EMC3: variants seen among roughly 807,000 people sequenced by gnomAD.
EMC3 encodes 30 kDa protein.
In EMC3, 13 loss-of-function variants were observed where a neutral mutation model predicts 36.6. The observed-to-expected ratio is 0.35, with a 90% CI of 0.23 to 0.56. The LOEUF (loss-of-function observed/expected upper bound fraction) is 0.56. Ranked by LOEUF, EMC3 falls within the 20% of genes least tolerant of loss-of-function variation. The pLI is 0.84. For missense variants in EMC3, 220 were observed against 324.5 expected (o/e 0.68, Z 2.47); for synonymous variants, 120 against 111.9 (o/e 1.07, Z -0.46).
intron 6 of EMC3, 22 bp from the exon 7 acceptor site, chr3:9,969,823 C>T: frequency 6.2e-7 from 1 of 1,611,736 alleles, no homozygotes; most frequent in Non-Finnish European, 8.5e-7. Flanking sequence ...GACACACTTA[C>T]ATGAGTGCCA....
chr3:9,991,899 G>C (rs573744876), intron 1 of EMC3, among the ~76,000 whole-genome samples: 7 of 152,142 alleles, frequency 4.6e-5, no homozygotes, highest in Non-Finnish European at 7.4e-5. Context: ...CATAAGGAAT[G>C]TGCAGCCTAG....
chr3:9,999,312 ACT>A (rs947364526), intron 1 of EMC3, among the ~76,000 whole-genome samples: 15 of 148,298 alleles, frequency 1.0e-4, no homozygotes, highest in Non-Finnish European at 1.6e-4. Context: ...TACGATCTCG[ACT>A]CTCTGCAATC....
At chr3:9,999,310 C>G (rs1366339810) in intron 1 of EMC3, among the ~76,000 whole-genome samples, 1 of 150,398 alleles carries the variant, frequency 6.6e-6, no homozygotes, top group Admixed American at 6.6e-5. Flanking sequence ...GGTACGATCT[C>G]GACTCTCTGC....
Position 9,986,713 on chromosome 3 carries a change from G to T in EMC3, c.-52C>A. 6.2e-7 allele frequency: 1 copy of T among 1,603,590 alleles called. No individual in the cohort carries two copies. Among genetic ancestry groups the T allele is most frequent in the South Asian group, 1.1e-5 (1 of 90,262 alleles). ...GGAATGGGCGAGCTTCTCTTCTCCG[G>T]GGCACAGTTGCTTCTCTTCGGCTTC... On this transcript the variant is annotated 5_prime_UTR_variant, in exon 1 of 8. Transcript: ENST00000245046.
intron 1 of EMC3, chr3:10,008,380 G>A (rs1315119335): frequency 7.3e-7 from 1 of 1,366,444 alleles, no homozygotes; most frequent in Admixed American, 1.9e-5. Flanking sequence ...CCCACAAACA[G>A]AGAAGGTCCT....
intron 1 of EMC3, among the ~76,000 whole-genome samples, chr3:9,998,669 G>A (rs1483388819): frequency 6.6e-6 from 1 of 151,956 alleles, no homozygotes. Flanking sequence ...TTTCCCTAAT[G>A]ACTAATGATG....
At chr3:9,993,547 TG>T (rs2086081940) in intron 1 of EMC3, among the ~76,000 whole-genome samples, 1 of 152,168 alleles carries the variant, frequency 6.6e-6, no homozygotes, top group Non-Finnish European at 1.5e-5. Flanking sequence ...AGTTCTTTTC[TG>T]TGTTTATTTC....
Position 9,983,754 on chromosome 3 carries a change from A to G in EMC3, c.155+2753T>C, listed in dbSNP as rs374370302. ...TACAAAAGAGAGCTTTGGATCTGATATAATTCAGAACCATTGCTCTAATAG... is the reference window on the plus strand; with the variant it reads ...TACAAAAGAGAGCTTTGGATCTGATGTAATTCAGAACCATTGCTCTAATAG... On this transcript the variant is annotated intron_variant, in intron 1 of 7. Transcript: ENST00000245046. Among the ~76,000 whole-genome samples, 14 of 152,228 alleles carry G rather than the reference A, an allele frequency of 9.2e-5. 1 individual carries two copies. The East Asian group carries it at 1.3e-3, about 15-fold the overall frequency.
intron 1 of EMC3, among the ~76,000 whole-genome samples, chr3:10,009,658 CG>C (rs2086302806): frequency 6.6e-6 from 1 of 152,134 alleles, no homozygotes; most frequent in Non-Finnish European, 1.5e-5. Flanking sequence ...GCCCGTGGGG[CG>C]TTTGGATTAC....
intron 1 of EMC3, among the ~76,000 whole-genome samples, chr3:9,996,259 C>T (rs941121983): frequency 2.0e-5 from 3 of 152,100 alleles, no homozygotes; most frequent in Non-Finnish European, 4.4e-5. Context: ...GCCTGGGCAC[C>T]ATGGTGAAAC....
upstream of EMC3, among the ~76,000 whole-genome samples, chr3:9,991,027 A>G (rs1016351105): frequency 2.4e-4 from 37 of 151,658 alleles, no homozygotes; most frequent in African/African-American, 8.5e-4. Flanking sequence ...ACGGGGTTTC[A>G]CCATGTTAGC....
At chr3:10,005,930 CCT>C (rs1418934338) in intron 1 of EMC3, among the ~76,000 whole-genome samples, 9 of 152,230 alleles carry the variant, frequency 5.9e-5, no homozygotes, top group Non-Finnish European at 1.2e-4. Context: ...TTCCACCTTC[CCT>C]CTCTCACTGA....
chr3:9,973,855 A>G (rs543036927), intron 4 of EMC3, 146 bp from the exon 5 acceptor site: 24 of 732,870 alleles, frequency 3.3e-5, no homozygotes, highest in Non-Finnish European at 5.2e-5. Flanking sequence ...ATTTCTGAAG[A>G]AAAGACAGTC....
At chr3:9,993,856 G>T (rs1341751618) in intron 1 of EMC3, among the ~76,000 whole-genome samples, 1 of 151,906 alleles carries the variant, frequency 6.6e-6, no homozygotes, top group Non-Finnish European at 1.5e-5. Context: ...AACATCCCTG[G>T]GGGGTCGTGT....
In EMC3 at chr3:9,986,663, T is replaced by C; in HGVS notation, c.-2A>G. On this transcript the variant is annotated 5_prime_UTR_variant, in exon 1 of 8. Transcript: ENST00000245046. Reference sequence around the variant, plus strand: ...GAGCAACAGTTCTGGCCCTGCCATCTTCACTGAAAGCTGGTTCCCAGTCTG... The same window carrying C: ...GAGCAACAGTTCTGGCCCTGCCATCCTCACTGAAAGCTGGTTCCCAGTCTG... The C allele has an allele frequency of 1.2e-6, 2 of 1,613,826 alleles. No homozygotes were observed. Among genetic ancestry groups the C allele is most frequent in the East Asian group, 2.2e-5 (1 of 44,882 alleles).
Position 9,977,376 on chromosome 3 carries a change from G to C in EMC3, c.213+13C>G, listed in dbSNP as rs1350572915. The C allele has an allele frequency of 6.2e-6, 10 of 1,608,096 alleles. No homozygotes were observed. The highest frequency in any genetic ancestry group is 8.5e-6 in the Non-Finnish European group (10 of 1,177,560). Reference sequence around the variant, plus strand: ...TGAATCGTGGAGCTTTTTAATAAAAGATAAATGAGTACCTGTTTGGGAATG... The same window carrying C: ...TGAATCGTGGAGCTTTTTAATAAAACATAAATGAGTACCTGTTTGGGAATG... On this transcript the variant is annotated intron_variant, in intron 2 of 7. Transcript: ENST00000245046.
Position 9,984,175 on chromosome 3 carries a change from G to A in EMC3, c.155+2332C>T, listed in dbSNP as rs573286384. 1.3e-4 allele frequency among the ~76,000 whole-genome samples: 20 copies of A among 151,924 alleles called. No homozygotes were observed. The South Asian group carries it at 3.7e-3, about 28-fold the overall frequency. Reference sequence around the variant, plus strand: ...CGGCTCACCGCAACCTCTGCCTCCCGGATTCAAGCGATTCTCCTGCCTCAG... The same window carrying A: ...CGGCTCACCGCAACCTCTGCCTCCCAGATTCAAGCGATTCTCCTGCCTCAG... On this transcript the variant is annotated intron_variant, in intron 1 of 7. Transcript: ENST00000245046.
chr3:9,994,117 G>C, intron 1 of EMC3: 3 of 1,478,882 alleles, frequency 2.0e-6, no homozygotes, highest in Non-Finnish European at 2.8e-6. Flanking sequence ...CATTCCAAAA[G>C]GATAAGCAAC....
At chr3:9,969,311 C>T (rs2124900897) in intron 7 of EMC3, 2 of 1,104,890 alleles carry the variant, frequency 1.8e-6, no homozygotes, top group Non-Finnish European at 2.2e-6. Context: ...GAGATTTTGT[C>T]CCACAAAAAT....
Sources: gnomAD v4.1 joint callset for allele counts (sites outside exome capture counted in the v4.1 genomes callset) on GRCh38, gnomAD v4.1.1 for gene constraint, MANE v1.5 for transcripts, NCBI Gene and HGNC (gene_info 2026-07-23, HGNC 2026-07-21) for gene names.